BRWD1: variants seen among roughly 807,000 people sequenced by gnomAD.
BRWD1 encodes bromodomain and WD repeat domain containing 1.
BRWD1 carries 82 observed loss-of-function variants against 251.2 expected under a neutral mutation model. That is an observed-to-expected ratio of 0.33 (90% CI 0.27 to 0.39). The LOEUF (loss-of-function observed/expected upper bound fraction) is 0.39, where lower values mean the gene tolerates loss of function less well. BRWD1 is among the 10% of genes least tolerant of loss of function. The probability of loss-of-function intolerance (pLI) is 1.00; values close to 1 mark genes in which losing one functional copy is unlikely to be tolerated. For missense variants in BRWD1, 2,233 were observed against 2,711.6 expected (o/e 0.82, Z 3.92); for synonymous variants, 918 against 902.8 (o/e 1.02, Z -0.30).
intron 21 of BRWD1, among the ~76,000 whole-genome samples, chr21:39,242,482 G>A (rs1440541078): frequency 6.6e-6 from 1 of 152,214 alleles, no homozygotes; most frequent in Non-Finnish European, 1.5e-5. Context: ...AAAAGTGTAA[G>A]GTGAAGCAGC....
At chr21:39,217,949 G>A (rs2033022951) in intron 31 of BRWD1, among the ~76,000 whole-genome samples, 1 of 151,798 alleles carries the variant, frequency 6.6e-6, no homozygotes, top group Admixed American at 6.6e-5. Context: ...AAAAAACGAG[G>A]GTGAAATATG....
chr21:39,196,015 A>C lies in BRWD1; in HGVS notation c.*244T>G. ...TTTCAAACTCTTGCTATATGTAGTC[A>C]AATACTGTCAAAATAGATCTGCCCC... is the stretch of plus-strand genomic sequence containing the variant. On this transcript the variant is annotated 3_prime_UTR_variant, in exon 41 of 41. Coordinates refer to ENST00000342449, the MANE Select transcript of BRWD1 (RefSeq NM_033656.4). 3.3e-6 allele frequency: 4 copies of C among 1,215,488 alleles called. No homozygotes were observed. The highest frequency in any genetic ancestry group is 4.0e-5 in the East Asian group (1 of 24,744). 75.3% of individuals were successfully genotyped at this position (1,215,488 alleles called of 1,614,324 possible). A position where few individuals can be genotyped will look rare whatever the true frequency, so the allele number is the denominator to read the frequency against.
At chr21:39,205,805 C>T (rs999128073) in intron 37 of BRWD1, among the ~76,000 whole-genome samples, 2 of 151,798 alleles carry the variant, frequency 1.3e-5, no homozygotes, top group African/African-American at 2.4e-5. Context: ...ATAGGCTGGG[C>T]GTGGTGGCTC....
intron 8 of BRWD1, 93 bp downstream of exon 8, chr21:39,293,718 A>G: frequency 1.1e-6 from 1 of 918,082 alleles, no homozygotes; most frequent in Middle Eastern, 2.2e-4. Context: ...CATAACTAAT[A>G]CACATCTTAC....
intron 33 of BRWD1, among the ~76,000 whole-genome samples, chr21:39,213,219 T>C (rs2032739957): frequency 6.6e-6 from 1 of 152,208 alleles, no homozygotes; most frequent in African/African-American, 2.4e-5. Flanking sequence ...AGGTACTTTA[T>C]ATAATACACC....
At position 39,193,821 on chromosome 21, in the gene BRWD1, A is replaced by G. The variant is rs951462605; in HGVS notation, c.*2438T>C. On this transcript the variant is annotated 3_prime_UTR_variant, in exon 41 of 41. Transcript: ENST00000342449. ...AAAGGCCAAACATGTTCTAGTGCTC[A>G]ATGTAAACATTTTAACTATTAATGA... The G allele has an allele frequency of 5.1e-6, 5 of 985,390 alleles. No individual in the cohort carries two copies. The African/African-American group carries it at 7.0e-5, about 14-fold the overall frequency. The allele number at this position is 985,390 out of a possible 1,614,324, so 61.0% of individuals were successfully genotyped here.
At position 39,247,659 on chromosome 21, in the gene BRWD1, C is replaced by T. The variant is rs1172261145; in HGVS notation, c.2481+42G>A. ...TCAAAGTAAAGAATTAAGCCAAATT[C>T]ATTTAAGATTATCTTATAACATTTT... On this transcript the variant is annotated intron_variant, in intron 21 of 40. Coordinates refer to ENST00000342449, the MANE Select transcript of BRWD1 (RefSeq NM_033656.4). The T allele has an allele frequency of 1.9e-6, 3 of 1,557,952 alleles. No individual in the cohort carries two copies. In the African/African-American group the frequency reaches 4.1e-5, roughly 21 times the overall value.
At chr21:39,267,412 G>A (rs1464908799) in intron 15 of BRWD1, among the ~76,000 whole-genome samples, 1 of 152,054 alleles carries the variant, frequency 6.6e-6, no homozygotes, top group Non-Finnish European at 1.5e-5. Flanking sequence ...TGGCTAACAT[G>A]GTGAAACCCC....
Position 39,296,821 on chromosome 21 carries a change from T to C in BRWD1, c.350-458A>G, listed in dbSNP as rs1173562872. ...TATTTTTCAATGTAGAATTATATCA[T>C]ACAATACTAAAGATGAAAGGTCTTA... On this transcript the variant is annotated intron_variant, in intron 5 of 40. Coordinates refer to ENST00000342449, the MANE Select transcript of BRWD1 (RefSeq NM_033656.4). 10 of 974,312 alleles carry C rather than the reference T, an allele frequency of 1.0e-5. 1 individual carries two copies. Among genetic ancestry groups the C allele is most frequent in the Middle Eastern group, 5.2e-4 (1 of 1,920 alleles). The allele number at this position is 974,312 out of a possible 1,614,324, so 60.4% of individuals were successfully genotyped here.
intron 4 of BRWD1, among the ~76,000 whole-genome samples, chr21:39,303,736 C>T (rs1394779024): frequency 1.3e-5 from 2 of 148,736 alleles, no homozygotes; most frequent in African/African-American, 2.5e-5. Context: ...GGTTGGAAGA[C>T]GGCTTGAGCC....
At position 39,312,957 on chromosome 21, in the gene BRWD1, GGGCGGGGGGCCGGGGGCGGGCGGCGGGC is replaced by G. The variant is rs1160218143; in HGVS notation, c.139-85_139-58del. 1.7e-5 allele frequency: 8 copies of G among 465,790 alleles called. 1 individual carries two copies. The East Asian group carries it at 2.3e-4, about 14-fold the overall frequency. The allele number at this position is 465,790 out of a possible 1,614,324, so 28.9% of individuals were successfully genotyped here. A position where few individuals can be genotyped will look rare whatever the true frequency, so the allele number is the denominator to read the frequency against. On this transcript the variant is annotated intron_variant, in intron 3 of 40. Transcript: ENST00000342449. ...ACCCCTCCGGCGCGGGGGGGGCGGGGGGCGGGGGGCCGGGGGCGGGCGGCGGGCGGCGGGCGGGGGGCGCGGGCGAGCA... is the reference window on the plus strand; with the variant it reads ...ACCCCTCCGGCGCGGGGGGGGCGGGGGGCGGGCGGGGGGCGCGGGCGAGCA...
chr21:39,272,113 T>C (rs1451281499), intron 13 of BRWD1, among the ~76,000 whole-genome samples: 1 of 149,514 alleles, frequency 6.7e-6, no homozygotes, highest in Non-Finnish European at 1.5e-5. Flanking sequence ...ACTAGATTGA[T>C]TGGTGTTGAG....
At chr21:39,288,818 G>C (rs909962683) in intron 8 of BRWD1, among the ~76,000 whole-genome samples, 1 of 152,310 alleles carries the variant, frequency 6.6e-6, no homozygotes, top group Middle Eastern at 3.4e-3. Context: ...TTGTCTTCAT[G>C]TTGAATAGGC....
In BRWD1 at chr21:39,293,941, A is replaced by G; in HGVS notation, c.701T>C (p.Met234Thr). Residue 234 changes from methionine (M) to threonine (T), a missense_variant, in exon 8 of 41, where the codon ATG becomes ACG. This residue lies in a region of BRWD1 where 185 missense variants were observed against 260.6 expected (regional missense o/e 0.71). Coordinates refer to ENST00000342449, the MANE Select transcript of BRWD1 (RefSeq NM_033656.4). ...CATTGTATTCTCATAGTTTACTGCCATATCTGAAATTTCTGCAGAATGACC... is the reference window on the plus strand; with the variant it reads ...CATTGTATTCTCATAGTTTACTGCCGTATCTGAAATTTCTGCAGAATGACC... Reference protein sequence around the residue: ...LRGHSAEISDMAVNYENTMIA... With the variant: ...LRGHSAEISDTAVNYENTMIA... 3 of 1,614,186 alleles carry G rather than the reference A, an allele frequency of 1.9e-6. No homozygotes were observed. The highest frequency in any genetic ancestry group is 1.3e-5 in the African/African-American group (1 of 75,068).
In BRWD1 at chr21:39,242,703, T is replaced by C. The variant is rs1053515099; in HGVS notation, c.2482-4130A>G. On this transcript the variant is annotated intron_variant, in intron 21 of 40. Transcript: ENST00000342449. ...ACTCTCTTGTTAGGGCTAATGCAGC[T>C]GGTAACTTTCAACTGAAGCCACTGT... Among the ~76,000 whole-genome samples, 14 of 152,208 alleles carry C rather than the reference T, an allele frequency of 9.2e-5. No individual in the cohort carries two copies. In the East Asian group the frequency reaches 2.7e-3, roughly 29 times the overall value.
At chr21:39,215,100 C>T (rs1373188088) in intron 32 of BRWD1, 137 bp downstream of exon 32, 5 of 757,300 alleles carry the variant, frequency 6.6e-6, no homozygotes, top group Non-Finnish European at 1.1e-5. Flanking sequence ...AAATGCCTGA[C>T]CGCAAGTGAT....
intron 3 of BRWD1, 82 bp from the exon 4 acceptor site, chr21:39,312,982 G>C (rs896631182): frequency 1.6e-5 from 15 of 964,528 alleles, no homozygotes; most frequent in Non-Finnish European, 1.9e-5. Context: ...GGCGGGCGGC[G>C]GGCGGCGGGC....
At chr21:39,306,301 C>G (rs1226582938) in intron 4 of BRWD1, among the ~76,000 whole-genome samples, 3 of 152,036 alleles carry the variant, frequency 2.0e-5, no homozygotes, top group African/African-American at 7.2e-5. Flanking sequence ...GATCTCTTGA[C>G]CTTGTGATCC....
At chr21:39,265,944 T>G (rs1276791393) in intron 15 of BRWD1, among the ~76,000 whole-genome samples, 1 of 152,256 alleles carries the variant, frequency 6.6e-6, no homozygotes, top group African/African-American at 2.4e-5. Context: ...CCTTTTAAAC[T>G]GTAAACTATA....
Sources: gnomAD v4.1 joint callset for allele counts (sites outside exome capture counted in the v4.1 genomes callset) on GRCh38, gnomAD v4.1.1 for gene constraint, gnomAD v4.1.1 regional missense constraint, MANE v1.5 for transcripts, NCBI Gene and HGNC (gene_info 2026-07-23, HGNC 2026-07-21) for gene names.